The following SLC5A11 variants were observed in gnomAD, a reference collection of about 807,000 sequenced individuals.
SLC5A11 encodes the protein sodium/myo-inositol cotransporter 2.
A neutral mutation model predicts 69.8 loss-of-function variants in SLC5A11; 48 were observed. The ratio of observed to expected loss-of-function variants is 0.69; its 90% CI spans 0.55 to 0.87. The LOEUF (loss-of-function observed/expected upper bound fraction) is 0.87, where lower values mean the gene tolerates loss of function less well. Among genes scored for constraint, SLC5A11 ranks in the 40% least tolerant of loss-of-function variants. The pLI is 0.00. For missense variants in SLC5A11, 784 were observed against 866.1 expected (o/e 0.91, Z 1.19); for synonymous variants, 319 against 342.4 (o/e 0.93, Z 0.75).
At chr16:24,862,528 T>C (rs2046636915) in intron 2 of SLC5A11, 73 bp from the exon 4 acceptor site, 3 of 1,295,946 alleles carry the variant, frequency 2.3e-6, no homozygotes, top group African/African-American at 1.5e-5. Context: ...AATCCCTGCC[T>C]GGCCTAGGCC....
chr16:24,907,943 C>T lies in SLC5A11; in HGVS notation c.1266-20C>T. 1.9e-6 allele frequency: 3 copies of T among 1,612,860 alleles called. No homozygotes were observed. Among genetic ancestry groups the T allele is most frequent in the Non-Finnish European group, 8.5e-7 (1 of 1,179,390 alleles). On this transcript the variant is annotated intron_variant, in intron 12 of 15. Coordinates refer to ENST00000347898, the Ensembl canonical transcript of SLC5A11. ...AATGTTCAGATGATGCTAATTTGTGCCTCTCGCCGCCGGCACCAGGGTGTT... is the reference window on the plus strand; with the variant it reads ...AATGTTCAGATGATGCTAATTTGTGTCTCTCGCCGCCGGCACCAGGGTGTT...
intron 3 of SLC5A11, among the ~76,000 whole-genome samples, chr16:24,866,155 T>C (rs1012875938): frequency 6.7e-6 from 1 of 150,370 alleles, no homozygotes; most frequent in African/African-American, 2.5e-5. Context: ...CATATATTAA[T>C]TGCATGGTAA....
At chr16:24,911,166 CAAA>C (rs59292009) in intron 15 of SLC5A11, among the ~76,000 whole-genome samples, 159 bp from the exon 17 acceptor site, 5 of 66,042 alleles carry the variant, frequency 7.6e-5, no homozygotes, top group Non-Finnish European at 1.3e-4. Flanking sequence ...GAGACTCTCT[CAAA>C]AAAAAAAAAA....
chr16:24,874,346 T>C (rs921989663), intron 5 of SLC5A11, among the ~76,000 whole-genome samples: 2 of 152,222 alleles, frequency 1.3e-5, no homozygotes, highest in African/African-American at 2.4e-5. Flanking sequence ...AGAATCTACC[T>C]CTAAGTGGAA....
At chr16:24,895,544 AGAAAG>A (rs1424300781) in intron 9 of SLC5A11, among the ~76,000 whole-genome samples, 1 of 143,628 alleles carries the variant, frequency 7.0e-6, no homozygotes, top group Non-Finnish European at 1.5e-5. Flanking sequence ...AGAGGAAAGA[AGAAAG>A]GAGAGGACAG....
intron 10 of SLC5A11, among the ~76,000 whole-genome samples, chr16:24,900,991 C>T (rs1245479786): frequency 6.6e-6 from 1 of 151,336 alleles, no homozygotes; most frequent in African/African-American, 2.4e-5. Context: ...TGCTAAGGGT[C>T]AGTCCCTATG....
At chr16:24,863,331 C>A (rs964284919) in intron 3 of SLC5A11, among the ~76,000 whole-genome samples, 21 of 152,002 alleles carry the variant, frequency 1.4e-4, no homozygotes, top group Non-Finnish European at 1.5e-5. Flanking sequence ...CACTGGAATA[C>A]TGGGACCTCA....
intron 8 of SLC5A11, among the ~76,000 whole-genome samples, chr16:24,889,647 G>A (rs1353365826): frequency 7.0e-6 from 1 of 143,842 alleles, no homozygotes; most frequent in Non-Finnish European, 1.5e-5. Flanking sequence ...CTACCTCCAG[G>A]AGACGTTCTC....
intron 1 of SLC5A11, among the ~76,000 whole-genome samples, chr16:24,855,481 G>T (rs2059489339): frequency 6.6e-6 from 1 of 150,784 alleles, no homozygotes; most frequent in African/African-American, 2.4e-5. Context: ...TGCATCTATA[G>T]TGCCAGCTAA....
intron 1 of SLC5A11, among the ~76,000 whole-genome samples, chr16:24,857,722 A>C (rs574072523): frequency 6.6e-6 from 1 of 152,330 alleles, no homozygotes; most frequent in South Asian, 2.1e-4. Flanking sequence ...TAATCCAGGC[A>C]TCTCCCTATT....
chr16:24,891,134 T>A (rs2048776566), intron 9 of SLC5A11, 60 bp downstream of exon 10: 3 of 1,547,570 alleles, frequency 1.9e-6, no homozygotes, highest in Non-Finnish European at 2.7e-6. Flanking sequence ...TTAGGGTGGC[T>A]GAAGTCGGTG....
intron 1 of SLC5A11, among the ~76,000 whole-genome samples, chr16:24,857,224 C>T (rs1007872302): frequency 2.0e-5 from 3 of 152,210 alleles, no homozygotes; most frequent in Admixed American, 6.5e-5. Flanking sequence ...GGCTTTGTCC[C>T]ATCACTGGGC....
chr16:24,894,451 G>C (rs1033055388), intron 9 of SLC5A11, among the ~76,000 whole-genome samples: 17 of 152,168 alleles, frequency 1.1e-4, no homozygotes, highest in African/African-American at 4.1e-4. Context: ...ACATATTCAG[G>C]TTGCATTTTC....
At chr16:24,884,246 A>C (rs2048246582) in intron 8 of SLC5A11, 115 bp downstream of exon 9, 1 of 987,308 alleles carries the variant, frequency 1.0e-6, no homozygotes, top group Admixed American at 2.2e-5. Context: ...ACTACTGGGG[A>C]ATTTTTTGTC....
intron 1 of SLC5A11, among the ~76,000 whole-genome samples, chr16:24,851,698 A>G (rs970971859): frequency 1.5e-4 from 23 of 152,228 alleles, no homozygotes; most frequent in African/African-American, 5.3e-4. Context: ...TACAATGAAC[A>G]TGCCTACTGC....
At chr16:24,857,403 C>G (rs2059582299) in intron 1 of SLC5A11, among the ~76,000 whole-genome samples, 1 of 152,194 alleles carries the variant, frequency 6.6e-6, no homozygotes, top group Admixed American at 6.5e-5. Context: ...TAACAAATTA[C>G]CATGAACTTA....
chr16:24,884,645 T>C lies in SLC5A11; in HGVS notation c.664+514T>C, dbSNP rs1286473757. Among the ~76,000 whole-genome samples, 7 of 141,402 alleles carry C rather than the reference T, an allele frequency of 5.0e-5. No individual in the cohort carries two copies. In the South Asian group the frequency reaches 6.7e-4, roughly 14 times the overall value. 92.8% of individuals were successfully genotyped at this position (141,402 alleles called of 152,430 possible). ...CCACCTGGCACTGTTTTTTTTTTTTTCAAGTAAAAATCTCTTTCTATACTA... is the reference window on the plus strand; with the variant it reads ...CCACCTGGCACTGTTTTTTTTTTTTCCAAGTAAAAATCTCTTTCTATACTA... On this transcript the variant is annotated intron_variant, in intron 8 of 15. Coordinates refer to ENST00000347898, the Ensembl canonical transcript of SLC5A11.
At chr16:24,867,896 G>A (rs1013465953) in intron 3 of SLC5A11, among the ~76,000 whole-genome samples, 10 of 152,192 alleles carry the variant, frequency 6.6e-5, no homozygotes, top group Non-Finnish European at 1.0e-4. Context: ...TAGCACTTTG[G>A]GAGGCTGAAG....
At chr16:24,849,290 G>A (rs8044197) in intron 1 of SLC5A11, among the ~76,000 whole-genome samples, 5,003 of 151,996 alleles carry the variant, frequency 0.033, 274 homozygotes, top group African/African-American at 0.11. Flanking sequence ...ATGAGAAGCC[G>A]GGCACGGTGG....
Sources: gnomAD v4.1 joint callset for allele counts (sites outside exome capture counted in the v4.1 genomes callset) on GRCh38, gnomAD v4.1.1 for gene constraint, MANE v1.5 for transcripts, NCBI Gene and HGNC (gene_info 2026-07-23, HGNC 2026-07-21) for gene names.